Variants in CFLAR observed in about 807,000 individuals in gnomAD.
CFLAR encodes the protein CASP8 and FADD like apoptosis regulator, also known as CASP8 and FADD-like apoptosis regulator.
In CFLAR, 14 loss-of-function variants were observed where a neutral mutation model predicts 51.1. That is an observed-to-expected ratio of 0.27 (90% confidence interval 0.18 to 0.43). The LOEUF is 0.43. Ranked by LOEUF, CFLAR falls within the 20% of genes least tolerant of loss-of-function variation. CFLAR has a pLI of 1.00. For synonymous variants in CFLAR, 210 were observed against 211.6 expected (o/e 0.99, Z 0.06); for missense variants, 390 against 566.5 (o/e 0.69, Z 3.16).
At chr2:201,144,710 G>C (rs1177702066) in intron 5 of CFLAR, among the ~76,000 whole-genome samples, 1 of 152,176 alleles carries the variant, frequency 6.6e-6, no homozygotes, top group African/African-American at 2.4e-5. Flanking sequence ...GAAGGAACAG[G>C]TGGAATGTCA....
At chr2:201,152,077 C>G (rs1388330224) in intron 8 of CFLAR, among the ~76,000 whole-genome samples, 1 of 151,924 alleles carries the variant, frequency 6.6e-6, no homozygotes, top group African/African-American at 2.4e-5. Flanking sequence ...ACCTCTTCCT[C>G]CTGGGTTCAA....
chr2:201,136,827 G>T (rs1404120169), intron 4 of CFLAR: 2 of 265,878 alleles, frequency 7.5e-6, no homozygotes, highest in Admixed American at 4.8e-5. Context: ...GATTTATTCC[G>T]ATTATTTAAC....
Position 201,124,930 on chromosome 2 carries a change from A to G in CFLAR, c.-137-4799A>G, listed in dbSNP as rs186290164. 2.6e-5 allele frequency among the ~76,000 whole-genome samples: 4 copies of G among 152,266 alleles called. No homozygotes were observed. Among genetic ancestry groups the G allele is most frequent in the Admixed American group, 2.6e-4 (4 of 15,302 alleles). ...AGCAGTCAGATGAAAGAGGACTTCCAAGTTTTTGGATGTGGCAACCAGGAG... is the reference window on the plus strand; with the variant it reads ...AGCAGTCAGATGAAAGAGGACTTCCGAGTTTTTGGATGTGGCAACCAGGAG... On this transcript the variant is annotated intron_variant, in intron 1 of 9. Coordinates refer to ENST00000309955, the MANE Select transcript of CFLAR (RefSeq NM_003879.7). This position sits in a 1 kb window ranked among gnomAD's most constrained non-coding sequence, Gnocchi z 4.7.
Position 201,119,220 on chromosome 2 carries a change from A to G in CFLAR, c.-138+2739A>G, listed in dbSNP as rs567898620. 4.6e-5 allele frequency: 7 copies of G among 152,258 alleles called. No individual in the cohort carries two copies. The East Asian group carries it at 1.4e-3, about 29-fold the overall frequency. The allele number at this position is 152,258 out of a possible 1,614,324, so 9.4% of individuals were successfully genotyped here. A position where few individuals can be genotyped will look rare whatever the true frequency, so the allele number is the denominator to read the frequency against. On this transcript the variant is annotated intron_variant, in intron 1 of 9. Coordinates refer to ENST00000309955, the MANE Select transcript of CFLAR (RefSeq NM_003879.7). ...CCTTTAATTCAGTATAATCCTACCAACATTTATTGAGCTTCTCTGGGCCAG... is the reference window on the plus strand; with the variant it reads ...CCTTTAATTCAGTATAATCCTACCAGCATTTATTGAGCTTCTCTGGGCCAG...
rs773971953 is a variant in CFLAR at position 201,166,480 on chromosome 2, C to CG, written c.*2514dup. 14 of 168,170 alleles carry CG rather than the reference C, an allele frequency of 8.3e-5. No individual in the cohort carries two copies. Among genetic ancestry groups the CG allele is most frequent in the African/African-American group, 1.2e-4 (5 of 40,964 alleles). The allele number at this position is 168,170 out of a possible 1,614,324, so 10.4% of individuals were successfully genotyped here. On this transcript the variant is annotated 3_prime_UTR_variant, in exon 10 of 10. Coordinates refer to ENST00000309955, the MANE Select transcript of CFLAR (RefSeq NM_003879.7). ...GCAGAGAAGCTCCTCACATCCCAGA[C>CG]GGGGGGGCGGGGCAGAGGCGCTCCC...
chr2:201,137,531 C>A, intron 4 of CFLAR: 1 of 667,068 alleles, frequency 1.5e-6, no homozygotes, highest in Non-Finnish European at 2.8e-6. Context: ...ACAGCCACTT[C>A]TCGTAAGAGT....
At chr2:201,132,256 T>C (rs1039799308) in intron 2 of CFLAR, among the ~76,000 whole-genome samples, 85 of 152,172 alleles carry the variant, frequency 5.6e-4, no homozygotes, top group Middle Eastern at 6.8e-3. Flanking sequence ...CTAAGTGTTT[T>C]GGTAAGCTCT....
At chr2:201,125,645 T>C (rs1575610719) in intron 1 of CFLAR, among the ~76,000 whole-genome samples, 1 of 151,534 alleles carries the variant, frequency 6.6e-6, no homozygotes, top group African/African-American at 2.4e-5. Context: ...CTGGGGGTGG[T>C]GTTGGGATGG....
intron 9 of CFLAR, among the ~76,000 whole-genome samples, chr2:201,161,523 C>G (rs896911072): frequency 6.6e-6 from 1 of 150,980 alleles, no homozygotes; most frequent in African/African-American, 2.4e-5. Flanking sequence ...AAGCAGTTGT[C>G]CTGCCTCACC....
At chr2:201,163,554 C>T in intron 9 of CFLAR, 1 of 1,212,012 alleles carries the variant, frequency 8.3e-7, no homozygotes, top group South Asian at 2.1e-5. Context: ...GTATTACTGG[C>T]CTTTTGAGCC....
At position 201,165,859 on chromosome 2, in the gene CFLAR, G is replaced by A. The variant is rs1943491982; in HGVS notation, c.*1886G>A. On this transcript the variant is annotated 3_prime_UTR_variant, in exon 10 of 10. Transcript: ENST00000309955. ...CTGCCCTTAATCCATTTAACCCTGA[G>A]TGGACACAGCACATGTTTCAGAGAG... 5.2e-6 allele frequency: 1 copy of A among 193,978 alleles called. No homozygotes were observed. The highest frequency in any genetic ancestry group is 2.2e-3 in the Middle Eastern group (1 of 462). 12.0% of individuals were successfully genotyped at this position (193,978 alleles called of 1,614,324 possible). A position where few individuals can be genotyped will look rare whatever the true frequency, so the allele number is the denominator to read the frequency against.
intron 5 of CFLAR, chr2:201,144,117 A>G (rs1323037318): frequency 6.6e-6 from 1 of 152,244 alleles, no homozygotes; most frequent in Non-Finnish European, 1.5e-5. Context: ...ACTAATTATT[A>G]GTGAAAAAGG....
rs1032661033 is a variant in CFLAR at position 201,169,068 on chromosome 2, T to G, written c.*5095T>G. The G allele has an allele frequency of 1.3e-5, 2 of 152,184 alleles. No individual in the cohort carries two copies. Among genetic ancestry groups the G allele is most frequent in the African/African-American group, 4.8e-5 (2 of 41,444 alleles). 9.4% of individuals were successfully genotyped at this position (152,184 alleles called of 1,614,324 possible). ...ATTTATAGGTTCATTGCTATTCCCATTAAACTACTATTGACATTCTTCACA... is the reference window on the plus strand; with the variant it reads ...ATTTATAGGTTCATTGCTATTCCCAGTAAACTACTATTGACATTCTTCACA... On this transcript the variant is annotated 3_prime_UTR_variant, in exon 10 of 10. Coordinates refer to ENST00000309955, the MANE Select transcript of CFLAR (RefSeq NM_003879.7).
rs1943337538 is a variant in CFLAR at position 201,164,277 on chromosome 2, TTAAA to T, written c.*305_*308del. ...GGCAATATAGCAAGATCCCATCTCT[TTAAA>T]AAAAAAAAAAAAGGACAGGAACTAT... On this transcript the variant is annotated 3_prime_UTR_variant, in exon 10 of 10. Transcript: ENST00000309955. 2 of 154,464 alleles carry T rather than the reference TTAAA, an allele frequency of 1.3e-5. No homozygotes were observed. The highest frequency in any genetic ancestry group is 2.7e-5 in the Non-Finnish European group (2 of 74,662). The allele number at this position is 154,464 out of a possible 1,614,324, so 9.6% of individuals were successfully genotyped here. A position where few individuals can be genotyped will look rare whatever the true frequency, so the allele number is the denominator to read the frequency against.
chr2:201,175,329 C>A lies in CFLAR; in HGVS notation c.*11356C>A, dbSNP rs1367692081. ...GGTACTTTTGCCTATAACAAACATA[C>A]AAAGATAAGTTTGGCTGGGCGCAGT... On this transcript the variant is annotated 3_prime_UTR_variant, in exon 10 of 10. Transcript: ENST00000309955. 6.6e-6 allele frequency: 1 copy of A among 152,196 alleles called. No homozygotes were observed. The highest frequency in any genetic ancestry group is 2.4e-5 in the African/African-American group (1 of 41,430). 9.4% of individuals were successfully genotyped at this position (152,196 alleles called of 1,614,324 possible). A position where few individuals can be genotyped will look rare whatever the true frequency, so the allele number is the denominator to read the frequency against.
intron 1 of CFLAR, among the ~76,000 whole-genome samples, chr2:201,123,768 A>C (rs1174275633): frequency 6.6e-6 from 1 of 152,072 alleles, no homozygotes; most frequent in East Asian, 1.9e-4. Context: ...ATGGAGGGGG[A>C]AGGTGAATTT....
At chr2:201,144,055 A>G (rs530253595) in intron 5 of CFLAR, 2 of 152,380 alleles carry the variant, frequency 1.3e-5, no homozygotes, top group South Asian at 2.1e-4. Context: ...AAAAGCGAAT[A>G]CACATGCATG....
rs373056820 is a variant in CFLAR at position 201,160,958 on chromosome 2, G to A, written c.1304+16G>A. 3.1e-6 allele frequency: 5 copies of A among 1,600,030 alleles called. No individual in the cohort carries two copies. The African/African-American group carries it at 4.0e-5, about 13-fold the overall frequency. ...GACAAGAAAGGTGAGCCCCCAGGAG[G>A]TGGTCAGTTCCGGACCACCTGCTTA... On this transcript the variant is annotated intron_variant, in intron 9 of 9. Transcript: ENST00000309955.
chr2:201,130,499 C>T (rs1322535636), intron 2 of CFLAR, among the ~76,000 whole-genome samples: 1 of 151,388 alleles, frequency 6.6e-6, no homozygotes. Context: ...GTACTTGGGA[C>T]TACAGGCGTG....
Sources: allele counts gnomAD v4.1 joint callset (sites outside exome capture counted in the v4.1 genomes callset), GRCh38; gene constraint gnomAD v4.1.1; non-coding constraint Gnocchi (gnomAD v3.1); transcripts MANE v1.5; gene names NCBI Gene and HGNC (gene_info 2026-07-23, HGNC 2026-07-21).